Variants in LHCGR observed in about 807,000 individuals in gnomAD.
The protein encoded by LHCGR is luteinizing hormone/choriogonadotropin receptor, also known as lutropin-choriogonadotropic hormone receptor.
Under a neutral mutation model 60.7 loss-of-function variants are expected in LHCGR, and 55 were observed. That is an observed-to-expected ratio of 0.91 (90% CI 0.73 to 1.13). The LOEUF (loss-of-function observed/expected upper bound fraction) is 1.13, where lower values mean the gene tolerates loss of function less well. Among genes scored for constraint, LHCGR ranks in the 50% most tolerant of loss-of-function variants. LHCGR has a pLI of 0.00. For synonymous variants in LHCGR, 337 were observed against 316.5 expected (o/e 1.06, Z -0.69); for missense variants, 862 against 836.0 (o/e 1.03, Z -0.38).
intron 6 of LHCGR, among the ~76,000 whole-genome samples, chr2:48,715,066 G>A (rs534963452): frequency 2.0e-5 from 3 of 151,946 alleles, no homozygotes; most frequent in Non-Finnish European, 2.9e-5. Context: ...ATTGTATTTC[G>A]TGTCGTGTTC....
At chr2:48,735,163 C>G (rs1026574880) in intron 1 of LHCGR, among the ~76,000 whole-genome samples, 1 of 152,192 alleles carries the variant, frequency 6.6e-6, no homozygotes, top group Non-Finnish European at 1.5e-5. Flanking sequence ...GAACTTCCAT[C>G]TACTCATTAA....
chr2:48,714,469 C>T (rs565350860), intron 6 of LHCGR, among the ~76,000 whole-genome samples: 22 of 149,966 alleles, frequency 1.5e-4, no homozygotes, highest in African/African-American at 5.4e-4. Context: ...AGGAAGCCTC[C>T]AGCACTGAGC....
chr2:48,739,813 T>TA (rs1035048441), intron 1 of LHCGR, among the ~76,000 whole-genome samples: 1 of 150,604 alleles, frequency 6.6e-6, no homozygotes, highest in Non-Finnish European at 1.5e-5. Context: ...AAAGTATAAT[T>TA]AAAAAAAAAG....
chr2:48,744,718 G>A (rs1407222431), intron 1 of LHCGR, among the ~76,000 whole-genome samples: 13 of 146,404 alleles, frequency 8.9e-5, no homozygotes, highest in Non-Finnish European at 1.2e-4. Flanking sequence ...AGACTTAAAC[G>A]TTAGACCTAA....
chr2:48,729,555 C>T (rs1668897172), intron 2 of LHCGR, among the ~76,000 whole-genome samples: 1 of 152,088 alleles, frequency 6.6e-6, no homozygotes, highest in East Asian at 1.9e-4. Context: ...AGTCAGATTC[C>T]CTTGTTTTAC....
In LHCGR at chr2:48,725,709, C is replaced by T. The variant is rs758016158; in HGVS notation, c.350G>A (p.Gly117Glu). The T allele has an allele frequency of 4.3e-6, 7 of 1,613,622 alleles. No homozygotes were observed. Among genetic ancestry groups the T allele is most frequent in the African/African-American group, 1.3e-5 (1 of 74,976 alleles). The change falls in exon 4 of 11, where the codon GGA (glycine) becomes GAA (glutamate). Residue 117 changes from glycine to glutamate, a missense_variant. By Grantham distance (98) the Gly-to-Glu change is moderately conservative (BLOSUM62 -2). Transcript: ENST00000294954. The stretch of plus-strand genomic sequence containing the variant: ...TAATCGGGGAAGATTTATAAATGCT[C>T]CGGGCTCAATGTATCTCAGATTTTT... ...NTKNLRYIEP[G>E]AFINLPRLKY...
intron 6 of LHCGR, among the ~76,000 whole-genome samples, chr2:48,716,271 AT>A (rs1316369027): frequency 2.0e-5 from 3 of 152,174 alleles, no homozygotes; most frequent in Non-Finnish European, 4.4e-5. Context: ...CAAATAACTT[AT>A]ATTTCCATCT....
intron 10 of LHCGR, among the ~76,000 whole-genome samples, chr2:48,693,040 C>T (rs1475335973): frequency 1.3e-5 from 2 of 152,070 alleles, no homozygotes; most frequent in Admixed American, 1.3e-4. Flanking sequence ...CCCCTCAAAC[C>T]ACTCCTTGGT....
intron 4 of LHCGR, among the ~76,000 whole-genome samples, chr2:48,723,943 G>A (rs898616200): frequency 3.3e-5 from 5 of 152,042 alleles, no homozygotes; most frequent in Non-Finnish European, 7.4e-5. Flanking sequence ...GGGGACTGGG[G>A]CCAAATTTAA....
At chr2:48,723,746 A>C (rs777872191) in intron 4 of LHCGR, 50 bp from the exon 5 acceptor site, 1 of 1,293,178 alleles carries the variant, frequency 7.7e-7, no homozygotes, top group Admixed American at 1.7e-5. Flanking sequence ...GGTAAAAGTG[A>C]TTGTCATTAA....
At chr2:48,724,857 C>CAAGACTGA (rs1668650501) in intron 4 of LHCGR, among the ~76,000 whole-genome samples, 1 of 152,158 alleles carries the variant, frequency 6.6e-6, no homozygotes, top group South Asian at 2.1e-4. Context: ...GGCCCCAGAG[C>CAAGACTGA]AAGACTGATG....
At position 48,687,766 on chromosome 2, in the gene LHCGR, G is replaced by C. The variant is rs778501497; in HGVS notation, c.2031C>G (p.Thr677=). 1.1e-5 allele frequency: 17 copies of C among 1,614,042 alleles called. No individual in the cohort carries two copies. Among genetic ancestry groups the C allele is most frequent in the African/African-American group, 6.7e-5 (5 of 74,926 alleles). The part of the protein sequence containing the change: ...FTGSNKPSQS[T]LKLSTLHCQG... ...GACAGTGCAATGTGGACAACTTCAA[G>C]GTGGATTGAGAAGGCTTATTTGATC... Residue 677 remains threonine, a synonymous_variant, in exon 11 of 11, where the codon ACC becomes ACG. Transcript: ENST00000294954.
intron 1 of LHCGR, among the ~76,000 whole-genome samples, chr2:48,741,449 A>G (rs566760311): frequency 1.5e-4 from 18 of 122,960 alleles, no homozygotes; most frequent in Admixed American, 2.3e-4. Context: ...GAGAAAGGTC[A>G]GGTTACCCTC....
At chr2:48,717,282 G>A (rs963019120) in intron 6 of LHCGR, among the ~76,000 whole-genome samples, 1 of 152,166 alleles carries the variant, frequency 6.6e-6, no homozygotes, top group Admixed American at 6.6e-5. Context: ...ATGCTTTTCT[G>A]TTAGACTCAC....
At chr2:48,695,375 A>G (rs1667063995) in intron 9 of LHCGR, among the ~76,000 whole-genome samples, 1 of 152,186 alleles carries the variant, frequency 6.6e-6, no homozygotes, top group Non-Finnish European at 1.5e-5. Flanking sequence ...GCCAAGGCTG[A>G]TGTCAAGAAG....
chr2:48,698,881 G>A lies in LHCGR; in HGVS notation c.681-81C>T, dbSNP rs571754952. 3.7e-5 allele frequency: 45 copies of A among 1,221,312 alleles called. No individual in the cohort carries two copies. In the East Asian group the frequency reaches 1.0e-3, roughly 27 times the overall value. The allele number at this position is 1,221,312 out of a possible 1,614,324, so 75.7% of individuals were successfully genotyped here. A position where few individuals can be genotyped will look rare whatever the true frequency, so the allele number is the denominator to read the frequency against. On this transcript the variant is annotated intron_variant, in intron 8 of 10. Transcript: ENST00000294954. ...TTTTGAGACGGAGTCTTGCTCCGTC[G>A]CCCAGGCTGGAGTGCAGTGGCACGA... is the stretch of plus-strand genomic sequence containing the variant.
intron 8 of LHCGR, 71 bp from the exon 9 acceptor site, chr2:48,698,871 TTGCTCCGTCGCCCAGGC>T: frequency 7.6e-7 from 1 of 1,308,126 alleles, no homozygotes; most frequent in Non-Finnish European, 1.1e-6. Flanking sequence ...AGACGGAGTC[TTGCTCCGTCGCCCAGGC>T]TGGAGTGCAG....
At chr2:48,737,556 A>G (rs1270972296) in intron 1 of LHCGR, among the ~76,000 whole-genome samples, 1 of 152,210 alleles carries the variant, frequency 6.6e-6, no homozygotes, top group African/African-American at 2.4e-5. Context: ...CTCTTTTGAA[A>G]TGATTTTAAA....
At chr2:48,729,392 C>G (rs1368926387) in intron 2 of LHCGR, among the ~76,000 whole-genome samples, 165 bp from the exon 3 acceptor site, 1 of 152,218 alleles carries the variant, frequency 6.6e-6, no homozygotes, top group Non-Finnish European at 1.5e-5. Context: ...GTGCTAACAT[C>G]TCCCTTTAGG....
Sources: allele counts gnomAD v4.1 joint callset (sites outside exome capture counted in the v4.1 genomes callset), GRCh38; gene constraint gnomAD v4.1.1; transcripts MANE v1.5; gene names NCBI Gene and HGNC (gene_info 2026-07-23, HGNC 2026-07-21).